The following CHD2 variants were observed in gnomAD, a reference collection of about 807,000 sequenced individuals.
CHD2 encodes the protein chromodomain helicase DNA binding protein 2.
CHD2 carries 28 observed loss-of-function variants against 243.9 expected under a neutral mutation model. The ratio of observed to expected loss-of-function variants is 0.11; its 90% CI spans 0.09 to 0.16. The LOEUF is 0.16. Among genes scored for constraint, CHD2 ranks in the 10% least tolerant of loss-of-function variants. CHD2 has a pLI of 1.00. For synonymous variants in CHD2, 775 were observed against 779.0 expected (o/e 0.99, Z 0.09); for missense variants, 1,386 against 2,209.8 (o/e 0.63, Z 7.47).
chr15:92,967,261 GT>G (rs999225857), intron 16 of CHD2, 63 bp from the exon 17 acceptor site: 7 of 1,206,644 alleles, frequency 5.8e-6, no homozygotes, highest in South Asian at 3.2e-5. Flanking sequence ...TTTTTTTACA[GT>G]TTTTTTTCCT....
intron 2 of CHD2, chr15:92,901,909 G>A: frequency 3.0e-6 from 1 of 333,618 alleles, no homozygotes; most frequent in Non-Finnish European, 5.3e-6. Context: ...ATTTTGATGT[G>A]ATTTATCAAA....
At chr15:92,939,745 C>T (rs1403739874) in intron 7 of CHD2, 27 bp downstream of exon 7, 1 of 1,607,868 alleles carries the variant, frequency 6.2e-7, no homozygotes, top group Non-Finnish European at 8.5e-7. Flanking sequence ...AAGTGTTTCA[C>T]TGGTGTGATG....
At chr15:92,967,626 C>T (rs1440599218) in intron 17 of CHD2, 113 bp downstream of exon 17, 9 of 636,684 alleles carry the variant, frequency 1.4e-5, no homozygotes, top group East Asian at 1.4e-4. Flanking sequence ...GACAGAGTCT[C>T]GCGATTCTGC....
At chr15:92,924,658 C>CA (rs2141746541) in intron 3 of CHD2, 106 bp downstream of exon 3, 1 of 932,662 alleles carries the variant, frequency 1.1e-6, no homozygotes, top group East Asian at 2.5e-5. Context: ...ATGAAACCTA[C>CA]AGCCATTTTT....
chr15:92,906,543 C>G (rs2052624265), intron 2 of CHD2, among the ~76,000 whole-genome samples: 1 of 152,074 alleles, frequency 6.6e-6, no homozygotes, highest in African/African-American at 2.4e-5. Context: ...CTGAGACCAC[C>G]TGGTATTTCC....
chr15:92,910,833 G>A (rs1428535408), intron 2 of CHD2, among the ~76,000 whole-genome samples: 3 of 152,154 alleles, frequency 2.0e-5, no homozygotes, highest in Non-Finnish European at 4.4e-5. Flanking sequence ...GATACATTCT[G>A]AGAAGTATGT....
intron 38 of CHD2, 60 bp downstream of exon 38, chr15:93,020,318 G>T: frequency 6.3e-7 from 1 of 1,599,462 alleles, no homozygotes; most frequent in Non-Finnish European, 8.6e-7. Context: ...TTTCTAGGGA[G>T]AAAGTGACGT....
intron 22 of CHD2, among the ~76,000 whole-genome samples, chr15:92,979,637 GTT>G (rs200909445): frequency 6.9e-6 from 1 of 145,044 alleles, no homozygotes. Flanking sequence ...ATTGGCAGCT[GTT>G]TTTTTTTTTT....
chr15:93,009,382 GT>G, intron 35 of CHD2, 59 bp downstream of exon 35: 15 of 1,512,924 alleles, frequency 9.9e-6, no homozygotes, highest in Non-Finnish European at 1.3e-5. Flanking sequence ...AGTGGATTCT[GT>G]TTTCTTTTAA....
At position 92,904,516 on chromosome 15, in the gene CHD2, G is replaced by GC. The variant is rs1168256350; in HGVS notation, c.62+3217_62+3218insC. ...GGGAAAAGGAAGGGAACTCTAGTTG[G>GC]GACTTTCCGGTGGGCGGCTTCTTTC... On this transcript the variant is annotated intron_variant, in intron 2 of 38. Coordinates refer to ENST00000394196, the MANE Select transcript of CHD2 (RefSeq NM_001271.4). The GC allele has an allele frequency of 5.0e-6, 5 of 995,906 alleles. No homozygotes were observed. In the African/African-American group the frequency reaches 8.7e-5, roughly 17 times the overall value. 61.7% of individuals were successfully genotyped at this position (995,906 alleles called of 1,614,324 possible).
Position 92,997,270 on chromosome 15 carries a change from G to C in CHD2, c.3752G>C (p.Arg1251Pro). Residue 1251 changes from arginine (R) to proline (P), a missense_variant, in exon 30 of 39, where the codon CGT (arginine) becomes CCT (proline). This residue lies in a region of CHD2 where 99 missense variants were observed against 176.9 expected (regional missense o/e 0.56). Transcript: ENST00000394196. This position sits in a 1 kb window ranked among gnomAD's most constrained non-coding sequence, Gnocchi z 4.1. ...EEKKKYCLTC[R>P]VKAAHFDVEW... ...TTCTTTAGATACTGCTTAACCTGTC[G>C]TGTCAAAGCTGCACATTTTGATGTA... 6.2e-7 allele frequency: 1 copy of C among 1,613,930 alleles called. No homozygotes were observed. The highest frequency in any genetic ancestry group is 8.5e-7 in the Non-Finnish European group (1 of 1,180,008).
chr15:92,991,806 T>A (rs963922440), intron 27 of CHD2: 4 of 268,590 alleles, frequency 1.5e-5, no homozygotes, highest in African/African-American at 8.8e-5. Flanking sequence ...TCCAGAGAGA[T>A]GTTCATGTAA....
At chr15:92,963,776 G>A (rs2053720127) in intron 16 of CHD2, among the ~76,000 whole-genome samples, 1 of 152,192 alleles carries the variant, frequency 6.6e-6, no homozygotes, top group Admixed American at 6.5e-5. Context: ...CAAGGCCAGT[G>A]TCCTTTGAAC....
chr15:92,913,594 G>A (rs1456418894), intron 2 of CHD2, among the ~76,000 whole-genome samples: 2 of 152,250 alleles, frequency 1.3e-5, no homozygotes, highest in Admixed American at 6.5e-5. Context: ...GGCGGTTCAC[G>A]CCTGTAATCC....
At position 92,926,957 on chromosome 15, in the gene CHD2, C is replaced by T. The variant is rs1235594580; in HGVS notation, c.295-287C>T. Reference sequence around the variant, plus strand: ...ATACTTTGTCTTTAGTGGAAGCAGCCGCTGTCTTACCTTTCTGTATTATTC... The same window carrying T: ...ATACTTTGTCTTTAGTGGAAGCAGCTGCTGTCTTACCTTTCTGTATTATTC... On this transcript the variant is annotated intron_variant, in intron 3 of 38. Coordinates refer to ENST00000394196, the MANE Select transcript of CHD2 (RefSeq NM_001271.4). Among the ~76,000 whole-genome samples, 8 of 144,756 alleles carry T rather than the reference C, an allele frequency of 5.5e-5. No individual in the cohort carries two copies. The South Asian group carries it at 7.0e-4, about 13-fold the overall frequency. 95.0% of individuals were successfully genotyped at this position (144,756 alleles called of 152,430 possible).
chr15:92,925,344 C>G (rs1442605179), intron 3 of CHD2, among the ~76,000 whole-genome samples: 4 of 152,166 alleles, frequency 2.6e-5, no homozygotes, highest in Non-Finnish European at 5.9e-5. Flanking sequence ...GTGAGTAACT[C>G]CACATAGTAG....
chr15:92,904,062 A>T (rs1336427379), intron 2 of CHD2, among the ~76,000 whole-genome samples: 1 of 152,236 alleles, frequency 6.6e-6, no homozygotes, highest in African/African-American at 2.4e-5. Flanking sequence ...GAAATCTGAA[A>T]TACCAAAGCC....
At chr15:92,903,740 GCA>G (rs1021276603) in intron 2 of CHD2, among the ~76,000 whole-genome samples, 1 of 152,190 alleles carries the variant, frequency 6.6e-6, no homozygotes, top group Non-Finnish European at 1.5e-5. Context: ...GGGACTGTGT[GCA>G]CACAAAGAGT....
intron 2 of CHD2, among the ~76,000 whole-genome samples, chr15:92,905,864 T>G (rs2052611949): frequency 6.6e-6 from 1 of 152,214 alleles, no homozygotes; most frequent in African/African-American, 2.4e-5. Flanking sequence ...CAACTTAAAG[T>G]ATACCTGCCA....
Sources: gnomAD v4.1 joint callset for allele counts (sites outside exome capture counted in the v4.1 genomes callset) on GRCh38, gnomAD v4.1.1 for gene constraint, gnomAD v4.1.1 regional missense constraint, Gnocchi (gnomAD v3.1) non-coding constraint, MANE v1.5 for transcripts, NCBI Gene and HGNC (gene_info 2026-07-23, HGNC 2026-07-21) for gene names.